Variants in EPC2 observed in about 807,000 individuals in gnomAD.
EPC2 encodes enhancer of polycomb homolog 2.
Under a neutral mutation model 92.1 loss-of-function variants are expected in EPC2, and 14 were observed. The observed-to-expected ratio is 0.15, with a 90% CI of 0.10 to 0.24. The LOEUF is 0.24. EPC2 is among the 10% of genes least tolerant of loss of function. The pLI is 1.00. For synonymous variants in EPC2, 340 were observed against 334.7 expected (o/e 1.02, Z -0.17); for missense variants, 755 against 971.5 (o/e 0.78, Z 2.96).
intron 10 of EPC2, among the ~76,000 whole-genome samples, chr2:148,771,912 T>G (rs1202487770): frequency 6.6e-6 from 1 of 151,962 alleles, no homozygotes; most frequent in Non-Finnish European, 1.5e-5. Flanking sequence ...GATTCTCCTG[T>G]CTCAGCCTCC....
intron 10 of EPC2, among the ~76,000 whole-genome samples, chr2:148,776,561 G>C (rs1424861516): frequency 8.5e-5 from 13 of 152,158 alleles, no homozygotes; most frequent in Admixed American, 7.9e-4. Flanking sequence ...TGTCAGCAGA[G>C]TAGCACCAGT....
chr2:148,714,730 T>C (rs887844714), intron 2 of EPC2, among the ~76,000 whole-genome samples: 1 of 152,238 alleles, frequency 6.6e-6, no homozygotes, highest in African/African-American at 2.4e-5. Context: ...TGTCTGTTCA[T>C]GTCCTTTGAC....
intron 2 of EPC2, among the ~76,000 whole-genome samples, chr2:148,740,817 A>G (rs573248846): frequency 6.6e-6 from 1 of 152,326 alleles, no homozygotes; most frequent in African/African-American, 2.4e-5. Flanking sequence ...TTCTAGCTGT[A>G]TCAACTACCT....
At chr2:148,757,564 A>G (rs1683217133) in intron 4 of EPC2, among the ~76,000 whole-genome samples, 1 of 151,520 alleles carries the variant, frequency 6.6e-6, no homozygotes, top group Admixed American at 6.6e-5. Flanking sequence ...TTGGCTGGGC[A>G]TGGAGCCTCA....
At chr2:148,756,047 A>G (rs1683184323) in intron 4 of EPC2, among the ~76,000 whole-genome samples, 1 of 152,172 alleles carries the variant, frequency 6.6e-6, no homozygotes, top group Non-Finnish European at 1.5e-5. Context: ...ATTTATTGGC[A>G]TATTGACAAT....
intron 7 of EPC2, among the ~76,000 whole-genome samples, chr2:148,767,237 A>C (rs942263066): frequency 6.6e-6 from 1 of 151,574 alleles, no homozygotes. Context: ...GTAGGGTGCT[A>C]TGACCTACAG....
chr2:148,778,618 G>A (rs911848250), intron 10 of EPC2, among the ~76,000 whole-genome samples: 1 of 135,104 alleles, frequency 7.4e-6, no homozygotes, highest in Non-Finnish European at 1.5e-5. Context: ...TTAAAACTAT[G>A]CATTTCATAC....
chr2:148,659,534 G>C (rs532604999), intron 1 of EPC2, among the ~76,000 whole-genome samples: 2 of 152,038 alleles, frequency 1.3e-5, no homozygotes, highest in African/African-American at 2.4e-5. Flanking sequence ...ACATATTACT[G>C]ATGAATAGAA....
chr2:148,735,634 G>A lies in EPC2; in HGVS notation c.314-7988G>A, dbSNP rs541081342. ...CTTATACCTTTTCTTCCACCTCCAT[G>A]ATTTTATAGCCATCCCAAAATTATT... On this transcript the variant is annotated intron_variant, in intron 2 of 13. Transcript: ENST00000258484. Among the ~76,000 whole-genome samples the A allele has an allele frequency of 9.2e-4, 140 of 151,878 alleles. No individual in the cohort carries two copies. In the Middle Eastern group the frequency reaches 0.017, roughly 18 times the overall value.
At chr2:148,650,696 C>T (rs1206448167) in intron 1 of EPC2, among the ~76,000 whole-genome samples, 1 of 152,012 alleles carries the variant, frequency 6.6e-6, no homozygotes, top group Non-Finnish European at 1.5e-5. Flanking sequence ...TGATTGATAC[C>T]TTTTCAGAAT....
intron 2 of EPC2, among the ~76,000 whole-genome samples, chr2:148,694,463 C>CTAAGATAA (rs1320781717): frequency 6.6e-6 from 1 of 152,090 alleles, no homozygotes; most frequent in Non-Finnish European, 1.5e-5. Context: ...CTTTGATGAC[C>CTAAGATAA]TAAGATAGTA....
At chr2:148,685,111 T>C (rs1681487377) in intron 1 of EPC2, among the ~76,000 whole-genome samples, 2 of 152,172 alleles carry the variant, frequency 1.3e-5, no homozygotes, top group Admixed American at 6.5e-5. Flanking sequence ...AGGAGTTTCT[T>C]ATATATTCTT....
At chr2:148,747,186 C>G (rs1353593945) in intron 3 of EPC2, among the ~76,000 whole-genome samples, 1 of 151,982 alleles carries the variant, frequency 6.6e-6, no homozygotes, top group Non-Finnish European at 1.5e-5. Context: ...ATTGACCTTT[C>G]ACTGCTCTCC....
At position 148,691,735 on chromosome 2, in the gene EPC2, G is replaced by T. The variant is rs1050311466; in HGVS notation, c.313+1362G>T. On this transcript the variant is annotated intron_variant, in intron 2 of 13. Transcript: ENST00000258484. ...AATTTAGGCTGCAGATCTGCTCAAG[G>T]TTCAGTTCTCAGGAAGATTTTTTGC... is the stretch of plus-strand genomic sequence containing the variant. 11 of 1,002,144 alleles carry T rather than the reference G, an allele frequency of 1.1e-5. No individual in the cohort carries two copies. In the Admixed American group the frequency reaches 1.6e-4, roughly 15 times the overall value. The allele number at this position is 1,002,144 out of a possible 1,614,324, so 62.1% of individuals were successfully genotyped here.
In EPC2 at chr2:148,769,173, C is replaced by T. The variant is rs542320006; in HGVS notation, c.1163C>T (p.Pro388Leu). The T allele has an allele frequency of 3.0e-5, 48 of 1,612,478 alleles. No homozygotes were observed. Among genetic ancestry groups the T allele is most frequent in the Admixed American group, 1.5e-4 (9 of 59,858 alleles). Reference protein sequence around the residue: ...FPQVLSPVSEPEEENDPDGPC... With the variant: ...FPQVLSPVSELEEENDPDGPC... ...TAGGTATTGTCCCCAGTATCAGAAC[C>T]GGAAGAAGAAAATGATCCTGATGGT... Residue 388 changes from proline (P) to leucine (L), a missense_variant, in exon 8 of 14, where the codon CCG (proline) becomes CTG (leucine). Around this residue, in one of 4 missense-constraint regions of EPC2, gnomAD observed 509 missense variants for 607.7 expected, o/e 0.84. Transcript: ENST00000258484.
intron 10 of EPC2, among the ~76,000 whole-genome samples, chr2:148,778,761 A>G (rs1487028712): frequency 6.6e-6 from 1 of 152,180 alleles, no homozygotes; most frequent in Non-Finnish European, 1.5e-5. Context: ...TGCTCTAGAA[A>G]ATTCTGAATG....
At chr2:148,711,639 G>A (rs541459764) in intron 2 of EPC2, among the ~76,000 whole-genome samples, 1 of 152,214 alleles carries the variant, frequency 6.6e-6, no homozygotes, top group Admixed American at 6.5e-5. Flanking sequence ...TGTCCTTACT[G>A]ATTTTTTGCT....
chr2:148,708,766 C>T (rs1682066054), intron 2 of EPC2, among the ~76,000 whole-genome samples: 1 of 152,166 alleles, frequency 6.6e-6, no homozygotes, highest in South Asian at 2.1e-4. Flanking sequence ...TCAGTAGATG[C>T]AGAAAAGGCC....
chr2:148,745,056 G>GA (rs1682958145), intron 3 of EPC2, among the ~76,000 whole-genome samples: 1 of 125,038 alleles, frequency 8.0e-6, no homozygotes. Flanking sequence ...AATACATTTT[G>GA]AAAATTGCAT....
Sources: allele counts gnomAD v4.1 joint callset (sites outside exome capture counted in the v4.1 genomes callset), GRCh38; gene constraint gnomAD v4.1.1; regional missense constraint gnomAD v4.1.1; transcripts MANE v1.5; gene names NCBI Gene and HGNC (gene_info 2026-07-23, HGNC 2026-07-21).